GMEB2: variants seen among roughly 807,000 people sequenced by gnomAD.
GMEB2 encodes glucocorticoid modulatory element binding protein 2, also known as glucocorticoid modulatory element-binding protein 2.
A neutral mutation model predicts 45.7 loss-of-function variants in GMEB2; 7 were observed. The observed-to-expected ratio is 0.15, with a 90% confidence interval of 0.09 to 0.29. The LOEUF (loss-of-function observed/expected upper bound fraction) is 0.29. Among genes scored for constraint, GMEB2 ranks in the 10% least tolerant of loss-of-function variants. The probability of loss-of-function intolerance (pLI) is 1.00; values close to 1 mark genes in which losing one functional copy is unlikely to be tolerated. For missense variants in GMEB2, 582 were observed against 739.2 expected, an observed-to-expected ratio of 0.79 and a Z score of 2.47; for synonymous variants, 322 against 323.6, an observed-to-expected ratio of 1.00 and a Z score of 0.05.
rs769642449 is a variant in GMEB2, at chr20:63,619,299, G to A, written c.99C>T (p.Thr33=). 5.6e-6 allele frequency: 9 copies of A among 1,612,276 alleles called. No homozygotes were observed. The highest frequency in any genetic ancestry group is 4.5e-5 in the East Asian group (2 of 44,762). Residue 33 remains threonine (T), a synonymous_variant, in exon 2 of 10, where the codon ACC becomes ACT. Transcript: ENST00000370077. The surrounding 1 kb of genome is among the most constrained non-coding windows in gnomAD (Gnocchi z 4.6). ...GGGCCAAGTTGGTCGTCACCAACAC[G>A]GTCTTCACCCCCTCCACACCACTGC... ...VDGSGVEGVK[T]VLVTTNLAPH... is the part of the protein sequence containing the mutation.
At chr20:63,595,803 C>A in intron 5 of GMEB2, 36 bp from the exon 6 acceptor site, 1 of 1,606,526 alleles carries the variant, frequency 6.2e-7, no homozygotes, top group Non-Finnish European at 8.5e-7. Context: ...TCCAGGTCGG[C>A]CCCAGAGCCG....
Position 63,589,043 on chromosome 20 carries a change from G to A in GMEB2, c.*1046C>T, listed in dbSNP as rs1043500339. 8 of 398,918 alleles carry A rather than the reference G, an allele frequency of 2.0e-5. No homozygotes were observed. Among genetic ancestry groups the A allele is most frequent in the African/African-American group, 1.2e-4 (6 of 48,662 alleles). The allele number at this position is 398,918 out of a possible 1,614,324, so 24.7% of individuals were successfully genotyped here. ...GAGACCACCAAGGGCCAGCCCAGGG[G>A]CTGCATGGGGGCCGGGGGCCAGGGA... On this transcript the variant is annotated 3_prime_UTR_variant, in exon 10 of 10. Coordinates refer to ENST00000370077, the MANE Select transcript of GMEB2 (RefSeq NM_012384.5).
intron 4 of GMEB2, among the ~76,000 whole-genome samples, chr20:63,602,087 T>TGTCC (rs1342228784): frequency 6.6e-6 from 1 of 152,254 alleles, no homozygotes; most frequent in Non-Finnish European, 1.5e-5. Context: ...ACTTCTTGTG[T>TGTCC]GTCCAGGGTT....
In GMEB2 at chr20:63,589,057, G is replaced by A. The variant is rs914636357; in HGVS notation, c.*1032C>T. The A allele has an allele frequency of 7.8e-5, 31 of 398,998 alleles. No individual in the cohort carries two copies. The highest frequency in any genetic ancestry group is 5.3e-4 in the East Asian group (15 of 28,120). 24.7% of individuals were successfully genotyped at this position (398,998 alleles called of 1,614,324 possible). On this transcript the variant is annotated 3_prime_UTR_variant, in exon 10 of 10. Transcript: ENST00000370077. ...CCAGCCCAGGGGCTGCATGGGGGCC[G>A]GGGGCCAGGGAGCCAAGGGCTGTTC...
chr20:63,605,903 C>T (rs2089515374), intron 2 of GMEB2, among the ~76,000 whole-genome samples: 1 of 151,252 alleles, frequency 6.6e-6, no homozygotes. Flanking sequence ...TGCAGTGAGC[C>T]GAGATTGTAC....
chr20:63,610,394 GC>G (rs1301935656), intron 2 of GMEB2, among the ~76,000 whole-genome samples: 1 of 152,138 alleles, frequency 6.6e-6, no homozygotes, highest in African/African-American at 2.4e-5. Flanking sequence ...GGTGGCGGGC[GC>G]CTGTAGGCCC....
intron 1 of GMEB2, among the ~76,000 whole-genome samples, chr20:63,624,822 C>T (rs984745652): frequency 9.2e-5 from 14 of 152,260 alleles, no homozygotes; most frequent in African/African-American, 3.4e-4. Flanking sequence ...ATTCTCTTGC[C>T]TCAGCCTCCT....
In GMEB2 at chr20:63,592,462, G is replaced by A; in HGVS notation, c.829+71C>T. On this transcript the variant is annotated intron_variant, in intron 8 of 9. Transcript: ENST00000370077. The surrounding 1 kb of genome is among the most constrained non-coding windows in gnomAD (Gnocchi z 8.2). ...CACAGAAGGGCCTAGGGGCAGGAGG[G>A]CCAGTGGCCTCACCTCCTGCAGAGA... 8.3e-7 allele frequency: 1 copy of A among 1,202,580 alleles called. No homozygotes were observed. The highest frequency in any genetic ancestry group is 1.2e-6 in the Non-Finnish European group (1 of 834,268). 74.5% of individuals were successfully genotyped at this position (1,202,580 alleles called of 1,614,324 possible).
rs192220884 is a variant in GMEB2 at position 63,590,035 on chromosome 20, G to T, written c.*54C>A. 1.4e-3 allele frequency: 2,092 copies of T among 1,448,862 alleles called. 4 individuals carry two copies. Among genetic ancestry groups the T allele is most frequent in the Non-Finnish European group, 1.7e-3 (1,914 of 1,096,560 alleles). 89.8% of individuals were successfully genotyped at this position (1,448,862 alleles called of 1,614,324 possible). ...CGGCCTCTGCCCGCTCCCTGCTGCC[G>T]CGGCTGAGAGACAGCCAGCCCTGTC... On this transcript the variant is annotated 3_prime_UTR_variant, in exon 10 of 10. Coordinates refer to ENST00000370077, the MANE Select transcript of GMEB2 (RefSeq NM_012384.5).
intron 1 of GMEB2, among the ~76,000 whole-genome samples, chr20:63,621,195 CAAAA>C (rs2089640383): frequency 6.6e-6 from 1 of 151,848 alleles, no homozygotes; most frequent in Non-Finnish European, 1.5e-5. Flanking sequence ...AGAACTCTCT[CAAAA>C]AACGAAAAAG....
intron 2 of GMEB2, among the ~76,000 whole-genome samples, chr20:63,618,972 T>C (rs2089626968): frequency 6.6e-6 from 1 of 152,192 alleles, no homozygotes; most frequent in African/African-American, 2.4e-5. Context: ...AGGCCAGCTC[T>C]CTGACATCCC....
rs1289674531 is a variant in GMEB2, at chr20:63,612,046, ACT to A, written c.132-7208_132-7207del. Among the ~76,000 whole-genome samples the A allele has an allele frequency of 2.6e-5, 4 of 152,284 alleles. 1 individual carries two copies. Among genetic ancestry groups the A allele is most frequent in the Non-Finnish European group, 5.9e-5 (4 of 68,022 alleles). On this transcript the variant is annotated intron_variant, in intron 2 of 9. Coordinates refer to ENST00000370077, the MANE Select transcript of GMEB2 (RefSeq NM_012384.5). ...ACTCCAGTCTGTGCAACAGAACGAGACTCTGTTTCGAAAAACAAAAAATCATT... is the reference window on the plus strand; with the variant it reads ...ACTCCAGTCTGTGCAACAGAACGAGACTGTTTCGAAAAACAAAAAATCATT...
chr20:63,624,929 A>G (rs1187833911), intron 1 of GMEB2, among the ~76,000 whole-genome samples: 2 of 151,818 alleles, frequency 1.3e-5, no homozygotes, highest in Admixed American at 1.3e-4. Flanking sequence ...GACAGTCTCG[A>G]TCTCCTGACC....
At chr20:63,626,580 C>A (rs893160547) in intron 1 of GMEB2, among the ~76,000 whole-genome samples, 1 of 139,284 alleles carries the variant, frequency 7.2e-6, no homozygotes, top group East Asian at 2.2e-4. Context: ...CGGGTGCCTG[C>A]GGGGTGGTCC....
chr20:63,594,691 A>C (rs556196750), intron 6 of GMEB2, among the ~76,000 whole-genome samples: 40 of 152,292 alleles, frequency 2.6e-4, no homozygotes, highest in African/African-American at 9.4e-4. Flanking sequence ...CTGGAAACAC[A>C]TCACCAAAGA....
chr20:63,625,160 C>T (rs1304148322), intron 1 of GMEB2, among the ~76,000 whole-genome samples: 20 of 152,100 alleles, frequency 1.3e-4, no homozygotes, highest in Admixed American at 1.2e-3. Context: ...GCGAGCACCC[C>T]CTCCTCTCTC....
At position 63,592,173 on chromosome 20, in the gene GMEB2, G is replaced by C; in HGVS notation, c.830-29C>G. 6.2e-7 allele frequency: 1 copy of C among 1,605,778 alleles called. No homozygotes were observed. ...AAAGGGTAACGCGGACACTCAGTGA[G>C]AGCCCAAGCCCTTCCTAGAGAGCCA... On this transcript the variant is annotated intron_variant, in intron 8 of 9. Coordinates refer to ENST00000370077, the MANE Select transcript of GMEB2 (RefSeq NM_012384.5). The surrounding 1 kb of genome is among the most constrained non-coding windows in gnomAD (Gnocchi z 8.2).
intron 1 of GMEB2, among the ~76,000 whole-genome samples, chr20:63,624,037 G>C (rs1390252765): frequency 6.6e-6 from 1 of 151,792 alleles, no homozygotes; most frequent in Non-Finnish European, 1.5e-5. Flanking sequence ...TTGAACCCGG[G>C]AGGCAGAGGC....
intron 2 of GMEB2, among the ~76,000 whole-genome samples, chr20:63,610,776 CCCTCT>C (rs1343788851): frequency 6.6e-6 from 1 of 152,218 alleles, no homozygotes; most frequent in African/African-American, 2.4e-5. Context: ...CTGAAAAATG[CCCTCT>C]GGTCCTTCAT....
Sources: allele counts gnomAD v4.1 joint callset (sites outside exome capture counted in the v4.1 genomes callset), GRCh38; gene constraint gnomAD v4.1.1; non-coding constraint Gnocchi (gnomAD v3.1); transcripts MANE v1.5; gene names NCBI Gene and HGNC (gene_info 2026-07-23, HGNC 2026-07-21).